Variants in MED13L observed in about 807,000 individuals in gnomAD.
MED13L encodes the protein mediator complex subunit 13L.
Under a neutral mutation model 220.9 loss-of-function variants are expected in MED13L, and 7 were observed. That is an observed-to-expected ratio of 0.03 (90% confidence interval 0.02 to 0.06). The LOEUF is 0.06. Ranked by LOEUF, MED13L falls within the 10% of genes least tolerant of loss-of-function variation. The pLI is 1.00. For synonymous variants in MED13L, 1,011 were observed against 1,015.2 expected (o/e 1.00, Z 0.08); for missense variants, 1,965 against 2,760.5 (o/e 0.71, Z 6.46).
intron 1 of MED13L, among the ~76,000 whole-genome samples, chr12:116,243,976 C>T (rs1316811495): frequency 6.6e-6 from 1 of 152,184 alleles, no homozygotes; most frequent in African/African-American, 2.4e-5. Flanking sequence ...CCTTATTACC[C>T]ATCAAGAACA....
intron 2 of MED13L, among the ~76,000 whole-genome samples, chr12:116,234,832 T>C: frequency 6.6e-6 from 1 of 151,980 alleles, no homozygotes; most frequent in Admixed American, 6.6e-5. Flanking sequence ...TAATTTTTTT[T>C]TTTTATTTTT....
chr12:116,105,292 A>AAC (rs1873458699), intron 3 of MED13L, among the ~76,000 whole-genome samples: 1 of 152,226 alleles, frequency 6.6e-6, no homozygotes, highest in African/African-American at 2.4e-5. Flanking sequence ...GAACAATCTC[A>AAC]ACTGGTGCAT....
In MED13L at chr12:115,991,264, C is replaced by G. The variant is rs1878042647; in HGVS notation, c.3690G>C (p.Gln1230His). Residue 1230 changes from glutamine to histidine, a missense_variant, in exon 17 of 31, where the codon CAG (glutamine) becomes CAC (histidine). Gln to His is a conservative substitution (Grantham distance 24). Transcript: ENST00000281928. The surrounding 1 kb of genome is among the most constrained non-coding windows in gnomAD (Gnocchi z 7.7). ...AAGCAAAAGGTTGTGTGTGTTGATT[C>G]TGGAGGAGGAGGAGAAGGCTTATGG... ...EPPISLLLLL[Q>H]NQHTQPFASL... 1.2e-6 allele frequency: 2 copies of G among 1,613,980 alleles called. No individual in the cohort carries two copies. The highest frequency in any genetic ancestry group is 1.7e-6 in the Non-Finnish European group (2 of 1,180,024).
At chr12:116,022,035 A>G (rs972444690) in intron 5 of MED13L, among the ~76,000 whole-genome samples, 7 of 152,218 alleles carry the variant, frequency 4.6e-5, no homozygotes, top group African/African-American at 1.7e-4. Context: ...ATTCTGATAG[A>G]AATTTCAAAT....
intron 2 of MED13L, among the ~76,000 whole-genome samples, chr12:116,172,343 A>G (rs1472572421): frequency 1.3e-5 from 2 of 152,188 alleles, no homozygotes; most frequent in African/African-American, 4.8e-5. Context: ...CTATACTGAG[A>G]AAGGTCACGT....
rs375737109 is a variant in MED13L at position 116,233,587 on chromosome 12, G to T, written c.310+3881C>A. Among the ~76,000 whole-genome samples the T allele has an allele frequency of 2.0e-4, 30 of 152,194 alleles. No individual in the cohort carries two copies. In the East Asian group the frequency reaches 3.9e-3, roughly 20 times the overall value. ...AACCTGTTCTTGCCACAATTCATTCGCAGCCTGTAGGTCTTTGCACAGTAG... is the reference window on the plus strand; with the variant it reads ...AACCTGTTCTTGCCACAATTCATTCTCAGCCTGTAGGTCTTTGCACAGTAG... On this transcript the variant is annotated intron_variant, in intron 2 of 30. Coordinates refer to ENST00000281928, the MANE Select transcript of MED13L (RefSeq NM_015335.5).
chr12:116,178,576 A>G (rs1011997490), intron 2 of MED13L, among the ~76,000 whole-genome samples: 1 of 152,238 alleles, frequency 6.6e-6, no homozygotes, highest in Non-Finnish European at 1.5e-5. Context: ...GAACATGAAT[A>G]TATCTTTGTT....
rs1432767171 is a variant in MED13L at position 116,252,315 on chromosome 12, A to C, written c.73-14610T>G. On this transcript the variant is annotated intron_variant, in intron 1 of 30. Coordinates refer to ENST00000281928, the MANE Select transcript of MED13L (RefSeq NM_015335.5). ...TGTTCAAGGAGAAATCTGTGGCTCT[A>C]AATATTTGTATGAGAAAGGCATAAA... Among the ~76,000 whole-genome samples the C allele has an allele frequency of 2.6e-5, 4 of 152,120 alleles. 1 individual carries two copies. The East Asian group carries it at 7.7e-4, about 29-fold the overall frequency.
At chr12:116,218,787 G>A (rs1031251477) in intron 2 of MED13L, among the ~76,000 whole-genome samples, 1 of 151,722 alleles carries the variant, frequency 6.6e-6, no homozygotes, top group Non-Finnish European at 1.5e-5. Context: ...AGGCTGGAGT[G>A]CAGTGGTGCA....
At chr12:116,112,853 A>G (rs1042049436) in intron 2 of MED13L, among the ~76,000 whole-genome samples, 2 of 152,210 alleles carry the variant, frequency 1.3e-5, no homozygotes, top group Non-Finnish European at 2.9e-5. Context: ...ATCTCAATAG[A>G]AAGAACACCC....
intron 2 of MED13L, among the ~76,000 whole-genome samples, chr12:116,213,399 A>C (rs1193003311): frequency 3.0e-5 from 2 of 66,898 alleles, no homozygotes; most frequent in Non-Finnish European, 4.7e-5. Context: ...GGAGTGCAAA[A>C]GTTTGTTTTT....
At chr12:116,143,157 T>C (rs1419698865) in intron 2 of MED13L, among the ~76,000 whole-genome samples, 2 of 152,036 alleles carry the variant, frequency 1.3e-5, no homozygotes, top group African/African-American at 4.8e-5. Flanking sequence ...TTACATACTG[T>C]AGAATAAACA....
chr12:116,048,205 G>A (rs1049200755), intron 4 of MED13L, among the ~76,000 whole-genome samples: 2 of 152,124 alleles, frequency 1.3e-5, no homozygotes, highest in Admixed American at 6.5e-5. Context: ...TAGTCACAAA[G>A]GAGAATGAAT....
chr12:115,983,410 T>G lies in MED13L; in HGVS notation c.4662A>C (p.Ala1554=). 1 of 1,614,188 alleles carries G rather than the reference T, an allele frequency of 6.2e-7. No individual in the cohort carries two copies. The highest frequency in any genetic ancestry group is 1.1e-5 in the South Asian group (1 of 91,084). ...NAGPLAPNGS[A]APPAGSAFNP... ...TAAATGCACTGCCAGCTGGGGGAGC[T>G]GCTGATCCATTTGGAGCTAAGGGCC... The change falls in exon 21 of 31, where the codon GCA becomes GCC. Residue 1554 remains alanine (A), a synonymous_variant. Transcript: ENST00000281928.
Position 116,006,422 on chromosome 12 carries a change from A to C in MED13L, c.2239-11T>G, listed in dbSNP as rs2137373566. The stretch of plus-strand genomic sequence containing the variant: ...AAATCCATCCTCTGACTGTATAATA[A>C]ATTCAGCCAAACAAAACACATGAAC... On this transcript the variant is annotated splice_polypyrimidine_tract_variant and intron_variant, in intron 11 of 30. Coordinates refer to ENST00000281928, the MANE Select transcript of MED13L (RefSeq NM_015335.5). 6.2e-7 allele frequency: 1 copy of C among 1,608,898 alleles called. No individual in the cohort carries two copies. Among genetic ancestry groups the C allele is most frequent in the Non-Finnish European group, 8.5e-7 (1 of 1,175,278 alleles).
At chr12:116,015,474 G>C (rs1187029521) in intron 7 of MED13L, among the ~76,000 whole-genome samples, 200 bp from the exon 8 acceptor site, 1 of 152,066 alleles carries the variant, frequency 6.6e-6, no homozygotes, top group Non-Finnish European at 1.5e-5. Context: ...CTGGAACTCT[G>C]TCTGTATGAT....
At chr12:116,122,286 A>G (rs192045076) in intron 2 of MED13L, among the ~76,000 whole-genome samples, 74 of 152,310 alleles carry the variant, frequency 4.9e-4, no homozygotes, top group Admixed American at 2.0e-3. Flanking sequence ...GTAACAAAGG[A>G]GCACAATGCT....
At chr12:115,963,724 A>G (rs1026875221) in intron 29 of MED13L, among the ~76,000 whole-genome samples, 10 of 152,204 alleles carry the variant, frequency 6.6e-5, no homozygotes, top group Non-Finnish European at 7.3e-5. Flanking sequence ...AAACAAAAAA[A>G]AAGCAAACTT....
At chr12:116,009,160 TTATAAC>T (rs781109854) in intron 9 of MED13L, 28 bp from the exon 10 acceptor site, 1 of 1,612,942 alleles carries the variant, frequency 6.2e-7, no homozygotes, top group Non-Finnish European at 8.5e-7. Context: ...AATTACATCA[TTATAAC>T]ATTAAGAAAA....
Sources: allele counts gnomAD v4.1 joint callset (sites outside exome capture counted in the v4.1 genomes callset), GRCh38; gene constraint gnomAD v4.1.1; non-coding constraint Gnocchi (gnomAD v3.1); transcripts MANE v1.5; gene names NCBI Gene and HGNC (gene_info 2026-07-23, HGNC 2026-07-21).